The following ERP44 variants were observed in gnomAD, a reference collection of about 807,000 sequenced individuals.
The protein encoded by ERP44 is endoplasmic reticulum protein 44.
ERP44 carries 25 observed loss-of-function variants against 53.4 expected under a neutral mutation model. The observed-to-expected ratio is 0.47, with a 90% CI of 0.34 to 0.65. The LOEUF (loss-of-function observed/expected upper bound fraction) is 0.65. Among genes scored for constraint, ERP44 ranks in the 30% least tolerant of loss-of-function variants. The pLI is 0.01. For synonymous variants in ERP44, 145 were observed against 161.2 expected, an observed-to-expected ratio of 0.90 and a Z score of 0.76; for missense variants, 338 against 493.2, an observed-to-expected ratio of 0.69 and a Z score of 2.98.
At chr9:100,031,684 G>GTT (rs201633473) in intron 4 of ERP44, among the ~76,000 whole-genome samples, 1 of 151,058 alleles carries the variant, frequency 6.6e-6, no homozygotes, top group African/African-American at 2.4e-5. Context: ...TAAAAGAACT[G>GTT]TTTTTTTTTA....
At chr9:100,049,681 A>G (rs960667104) in intron 4 of ERP44, among the ~76,000 whole-genome samples, 2 of 152,230 alleles carry the variant, frequency 1.3e-5, no homozygotes, top group African/African-American at 4.8e-5. Context: ...AAAATAGAAC[A>G]AATACTTTGG....
intron 3 of ERP44, among the ~76,000 whole-genome samples, chr9:100,053,183 TTAAC>T (rs1826055730): frequency 6.6e-6 from 1 of 152,192 alleles, no homozygotes; most frequent in Non-Finnish European, 1.5e-5. Context: ...TGGTATATAA[TTAAC>T]TATTTCCCCT....
chr9:100,081,148 G>A (rs1234986819), intron 1 of ERP44, among the ~76,000 whole-genome samples: 1 of 151,928 alleles, frequency 6.6e-6, no homozygotes, highest in African/African-American at 2.4e-5. Context: ...AGGTCACAGA[G>A]TAAAACCCAA....
intron 10 of ERP44, among the ~76,000 whole-genome samples, chr9:99,992,351 G>C (rs1830264981): frequency 6.6e-6 from 1 of 151,988 alleles, no homozygotes; most frequent in Non-Finnish European, 1.5e-5. Context: ...GGGATGCAAG[G>C]CTGGTTCAAC....
At position 99,998,620 on chromosome 9, in the gene ERP44, T is replaced by C; in HGVS notation, c.1016+7886A>G. ...CCACATGCTGTCTTTGTGCTTCAGA[T>C]TCTTTTTCTTGAGATCTCTCCACAT... is the stretch of plus-strand genomic sequence containing the variant. On this transcript the variant is annotated intron_variant, in intron 10 of 11. Coordinates refer to ENST00000262455, the MANE Select transcript of ERP44 (RefSeq NM_015051.3). 4 of 761,758 alleles carry C rather than the reference T, an allele frequency of 5.3e-6. No individual in the cohort carries two copies. In the South Asian group the frequency reaches 5.6e-5, roughly 11 times the overall value. 47.2% of individuals were successfully genotyped at this position (761,758 alleles called of 1,614,324 possible). A position where few individuals can be genotyped will look rare whatever the true frequency, so the allele number is the denominator to read the frequency against.
Position 100,030,198 on chromosome 9 carries a change from G to A in ERP44, c.287-7972C>T, listed in dbSNP as rs535436577. Among the ~76,000 whole-genome samples, 5 of 152,246 alleles carry A rather than the reference G, an allele frequency of 3.3e-5. No homozygotes were observed. In the South Asian group the frequency reaches 1.0e-3, roughly 32 times the overall value. On this transcript the variant is annotated intron_variant, in intron 4 of 11. Coordinates refer to ENST00000262455, the MANE Select transcript of ERP44 (RefSeq NM_015051.3). ...ATTCCCTTACTTTCCTAATAAACTT[G>A]CTTTCACTTTACTCTATGGATTCAC...
At chr9:99,984,074 C>A (rs1480429670) in intron 11 of ERP44, among the ~76,000 whole-genome samples, 6 of 152,218 alleles carry the variant, frequency 3.9e-5, no homozygotes, top group East Asian at 3.9e-4. Context: ...TGTTAATTAT[C>A]AAAAATCTGA....
chr9:100,094,600 A>G (rs1028298021), intron 1 of ERP44, among the ~76,000 whole-genome samples: 1 of 151,996 alleles, frequency 6.6e-6, no homozygotes, highest in Admixed American at 6.6e-5. Flanking sequence ...AGAGGTTGCA[A>G]TGAGTCAAGA....
At chr9:100,013,128 G>A (rs1051322340) in intron 8 of ERP44, among the ~76,000 whole-genome samples, 2 of 152,172 alleles carry the variant, frequency 1.3e-5, no homozygotes, top group African/African-American at 4.8e-5. Flanking sequence ...AGAGCTGGAA[G>A]CCTCTGGAAA....
chr9:100,070,854 C>G (rs902033313), intron 1 of ERP44, among the ~76,000 whole-genome samples: 3 of 152,052 alleles, frequency 2.0e-5, no homozygotes, highest in Admixed American at 6.6e-5. Context: ...TTGGCCTCCC[C>G]CCAGAAGTAG....
intron 11 of ERP44, among the ~76,000 whole-genome samples, chr9:99,983,263 T>C (rs1331003255): frequency 6.6e-6 from 1 of 152,166 alleles, no homozygotes; most frequent in Non-Finnish European, 1.5e-5. Flanking sequence ...AAACGAGCTA[T>C]TTCCAAGAAT....
Position 100,028,611 on chromosome 9 carries a change from T to C in ERP44, c.287-6385A>G, listed in dbSNP as rs975404979. On this transcript the variant is annotated intron_variant, in intron 4 of 11. Transcript: ENST00000262455. Reference sequence around the variant, plus strand: ...AAACCACTATTAACATTTTGGCTTATATTTTGGTAACTTTGAAGAAAAGTT... The same window carrying C: ...AAACCACTATTAACATTTTGGCTTACATTTTGGTAACTTTGAAGAAAAGTT... 1.6e-4 allele frequency among the ~76,000 whole-genome samples: 25 copies of C among 152,252 alleles called. 1 individual carries two copies. Among genetic ancestry groups the C allele is most frequent in the Non-Finnish European group, 1.2e-4 (8 of 68,042 alleles).
chr9:100,001,587 G>A (rs1434166171), intron 10 of ERP44, among the ~76,000 whole-genome samples: 1 of 151,916 alleles, frequency 6.6e-6, no homozygotes, highest in East Asian at 1.9e-4. Flanking sequence ...TTTACATAAT[G>A]ACCTTGCTTT....
chr9:100,043,258 C>CAA lies in ERP44; in HGVS notation c.286+9157_286+9158dup, dbSNP rs56066117. 1.6e-3 allele frequency among the ~76,000 whole-genome samples: 33 copies of CAA among 20,274 alleles called. 2 individuals carry two copies. Among genetic ancestry groups the CAA allele is most frequent in the African/African-American group, 2.3e-3 (9 of 3,984 alleles). The allele number at this position is 20,274 out of a possible 152,430, so 13.3% of individuals were successfully genotyped here. A position where few individuals can be genotyped will look rare whatever the true frequency, so the allele number is the denominator to read the frequency against. Reference sequence around the variant, plus strand: ...TGGGCAACAGAGCGAGACTCTGTCTCAAAAAAAAAAAAAAAAAAAAAAAAA... The same window carrying CAA: ...TGGGCAACAGAGCGAGACTCTGTCTCAAAAAAAAAAAAAAAAAAAAAAAAAAA... On this transcript the variant is annotated intron_variant, in intron 4 of 11. Transcript: ENST00000262455.
At chr9:100,075,558 A>G (rs988270730) in intron 1 of ERP44, among the ~76,000 whole-genome samples, 2 of 152,226 alleles carry the variant, frequency 1.3e-5, no homozygotes, top group Non-Finnish European at 2.9e-5. Context: ...AGCAAGAAGT[A>G]GCAGACACAC....
At chr9:100,001,701 G>A (rs891569241) in intron 10 of ERP44, among the ~76,000 whole-genome samples, 1 of 152,110 alleles carries the variant, frequency 6.6e-6, no homozygotes, top group African/African-American at 2.4e-5. Flanking sequence ...TAGTCTACCT[G>A]TGTCCCTTAT....
intron 1 of ERP44, among the ~76,000 whole-genome samples, chr9:100,088,145 C>T (rs1027777419): frequency 1.3e-5 from 2 of 152,178 alleles, no homozygotes; most frequent in Non-Finnish European, 2.9e-5. Flanking sequence ...TTCTTCCCTA[C>T]TGAGTCAGAT....
intron 10 of ERP44, chr9:99,999,086 C>G: frequency 5.8e-6 from 4 of 694,252 alleles, no homozygotes; most frequent in Non-Finnish European, 1.1e-5. Flanking sequence ...AGCGCACGGC[C>G]GTTCCCACAG....
rs1457133339 is a variant in ERP44, at chr9:100,044,320, T to C, written c.286+8097A>G. Among the ~76,000 whole-genome samples, 8 of 152,162 alleles carry C rather than the reference T, an allele frequency of 5.3e-5. No individual in the cohort carries two copies. The East Asian group carries it at 9.6e-4, about 18-fold the overall frequency. On this transcript the variant is annotated intron_variant, in intron 4 of 11. Coordinates refer to ENST00000262455, the MANE Select transcript of ERP44 (RefSeq NM_015051.3). ...TAAAAACATAAGGTCTCTACTCTCATAGAGCCATTTTATCATTATTATTGT... is the reference window on the plus strand; with the variant it reads ...TAAAAACATAAGGTCTCTACTCTCACAGAGCCATTTTATCATTATTATTGT...
Sources: allele counts gnomAD v4.1 joint callset (sites outside exome capture counted in the v4.1 genomes callset), GRCh38; gene constraint gnomAD v4.1.1; transcripts MANE v1.5; gene names NCBI Gene and HGNC (gene_info 2026-07-23, HGNC 2026-07-21).